Variants in KHDRBS1 observed in about 807,000 individuals in gnomAD.
KHDRBS1 encodes the protein KH domain-containing, RNA-binding, signal transduction-associated protein 1.
A neutral mutation model predicts 48.4 loss-of-function variants in KHDRBS1; 7 were observed. That is an observed-to-expected ratio of 0.14 (90% CI 0.08 to 0.27). The LOEUF is 0.27. Ranked by LOEUF, KHDRBS1 falls within the 10% of genes least tolerant of loss-of-function variation. The pLI is 1.00. For synonymous variants in KHDRBS1, 241 were observed against 235.8 expected, an observed-to-expected ratio of 1.02 and a Z score of -0.20; for missense variants, 458 against 601.2, an observed-to-expected ratio of 0.76 and a Z score of 2.49.
chr1:32,054,094 GAC>G (rs1639453029), intron 10 of KHDRBS1, among the ~76,000 whole-genome samples: 2 of 152,196 alleles, frequency 1.3e-5, no homozygotes, highest in African/African-American at 4.8e-5. Context: ...CATTTAACAT[GAC>G]ACACAGTAAG....
In KHDRBS1 at chr1:32,014,109, G is replaced by A. The variant is rs747814006; in HGVS notation, c.114G>A (p.Pro38=). 6.3e-6 allele frequency: 9 copies of A among 1,430,062 alleles called. No homozygotes were observed. The highest frequency in any genetic ancestry group is 8.2e-6 in the Non-Finnish European group (9 of 1,093,458). The allele number at this position is 1,430,062 out of a possible 1,614,324, so 88.6% of individuals were successfully genotyped here. A position where few individuals can be genotyped will look rare whatever the true frequency, so the allele number is the denominator to read the frequency against. The stretch of plus-strand genomic sequence containing the variant: ...TGCGTCAGACGCCGTCTCGGCAGCC[G>A]CCGCTGCCTCACCGGTCCCGGGGAG... The part of the protein sequence containing the change: ...PSVRQTPSRQ[P]PLPHRSRGGG... The change falls in exon 1 of 9, where the codon CCG becomes CCA. Residue 38 remains proline, a synonymous_variant. Transcript: ENST00000327300.
At chr1:32,023,835 A>G (rs948257671) in intron 1 of KHDRBS1, among the ~76,000 whole-genome samples, 11 of 152,238 alleles carry the variant, frequency 7.2e-5, no homozygotes, top group African/African-American at 2.4e-4. Context: ...TTTAGGCCAC[A>G]TGCCAGTGTC....
At chr1:32,037,109 G>T in intron 5 of KHDRBS1, 66 bp downstream of exon 5, 1 of 1,545,428 alleles carries the variant, frequency 6.5e-7, no homozygotes, top group South Asian at 1.2e-5. Flanking sequence ...CTCTTTTAGT[G>T]GTGCTCTTAT....
intron 1 of KHDRBS1, among the ~76,000 whole-genome samples, chr1:32,024,653 G>T (rs1638927892): frequency 6.6e-6 from 1 of 151,870 alleles, no homozygotes; most frequent in Admixed American, 6.6e-5. Flanking sequence ...TTCTTGTTCT[G>T]TTACTTTAAC....
chr1:32,014,831 C>T (rs1209490360), intron 1 of KHDRBS1, among the ~76,000 whole-genome samples: 1 of 152,034 alleles, frequency 6.6e-6, no homozygotes, highest in African/African-American at 2.4e-5. Context: ...GAGGAAGGGC[C>T]GAGGTGAGGT....
At position 32,037,853 on chromosome 1, in the gene KHDRBS1, A is replaced by G; in HGVS notation, c.924A>G (p.Pro308=). Residue 308 remains proline (P), a synonymous_variant, in exon 6 of 9, where the codon CCA becomes CCG. Transcript: ENST00000327300. Reference sequence around the variant, plus strand: ...TTTGTAGGGGCCGTGGTGTTGGACCACCTCGGGGGGCTTTGGTACGTGGTA... The same window carrying G: ...TTTGTAGGGGCCGTGGTGTTGGACCGCCTCGGGGGGCTTTGGTACGTGGTA... ...PPVPRGRGVG[P]PRGALVRGTP... is the part of the protein sequence containing the mutation. 6.2e-7 allele frequency: 1 copy of G among 1,614,114 alleles called. No individual in the cohort carries two copies. The highest frequency in any genetic ancestry group is 8.5e-7 in the Non-Finnish European group (1 of 1,179,968).
At position 32,043,422 on chromosome 1, in the gene KHDRBS1, G is replaced by C. The variant is rs1254444758; in HGVS notation, c.*798G>C. 1 of 152,574 alleles carries C rather than the reference G, an allele frequency of 6.6e-6. No individual in the cohort carries two copies. The highest frequency in any genetic ancestry group is 1.5e-5 in the Non-Finnish European group (1 of 68,032). The allele number at this position is 152,574 out of a possible 1,614,324, so 9.5% of individuals were successfully genotyped here. ...TTGAAGAGGTTGATGGTGGTGGGGA[G>C]GGAAGGCCTCCTGAATTGAGTTTGA... is the stretch of plus-strand genomic sequence containing the variant. On this transcript the variant is annotated 3_prime_UTR_variant, in exon 9 of 9. Coordinates refer to ENST00000327300, the MANE Select transcript of KHDRBS1 (RefSeq NM_006559.3).
intron 1 of KHDRBS1, among the ~76,000 whole-genome samples, chr1:32,027,395 G>C (rs1413493287): frequency 6.6e-6 from 1 of 152,198 alleles, no homozygotes; most frequent in Non-Finnish European, 1.5e-5. Flanking sequence ...ATCAGAAAAA[G>C]TATATTAGCA....
At chr1:32,040,191 A>G (rs1407258713) in intron 8 of KHDRBS1, among the ~76,000 whole-genome samples, 1 of 152,078 alleles carries the variant, frequency 6.6e-6, no homozygotes, top group Admixed American at 6.6e-5. Flanking sequence ...AGGCAGGCGG[A>G]TCACCTGTGG....
chr1:32,040,041 A>G (rs1639253327), intron 8 of KHDRBS1, among the ~76,000 whole-genome samples: 1 of 152,106 alleles, frequency 6.6e-6, no homozygotes, highest in African/African-American at 2.4e-5. Context: ...ATTGAAAAGA[A>G]TGTCATTGTA....
chr1:32,055,217 A>G (rs1233367910), intron 10 of KHDRBS1, among the ~76,000 whole-genome samples: 1 of 152,180 alleles, frequency 6.6e-6, no homozygotes, highest in African/African-American at 2.4e-5. Flanking sequence ...TGGGAAGCCA[A>G]GGCGGGCGGA....
At chr1:32,045,182 T>C (rs898005372), downstream of KHDRBS1, 1 of 152,602 alleles carries the variant, frequency 6.6e-6, no homozygotes, top group Non-Finnish European at 1.5e-5. Context: ...CATATTGATA[T>C]TCACAATGAA....
At position 32,043,801 on chromosome 1, in the gene KHDRBS1, C is replaced by T. The variant is rs12405056; in HGVS notation, c.*1177C>T. 1,399 of 152,644 alleles carry T rather than the reference C, an allele frequency of 9.2e-3. 32 individuals are homozygous for T. The highest frequency in any genetic ancestry group is 0.05 in the East Asian group (258 of 5,186). The allele number at this position is 152,644 out of a possible 1,614,324, so 9.5% of individuals were successfully genotyped here. On this transcript the variant is annotated 3_prime_UTR_variant, in exon 9 of 9. Coordinates refer to ENST00000327300, the MANE Select transcript of KHDRBS1 (RefSeq NM_006559.3). Reference sequence around the variant, plus strand: ...ATTAAATGCTACATGTGTAAGTCTGCCTAAATAGGTAGCTTAAACTTATGT... The same window carrying T: ...ATTAAATGCTACATGTGTAAGTCTGTCTAAATAGGTAGCTTAAACTTATGT...
chr1:32,055,066 C>T (rs1248413750), intron 10 of KHDRBS1, among the ~76,000 whole-genome samples: 2 of 152,114 alleles, frequency 1.3e-5, no homozygotes, highest in African/African-American at 4.8e-5. Flanking sequence ...CTAGGGTGGC[C>T]GCATGATCAG....
At chr1:32,057,455 CCA>C (rs1271298286) in intron 10 of KHDRBS1, among the ~76,000 whole-genome samples, 1 of 151,790 alleles carries the variant, frequency 6.6e-6, no homozygotes, top group Non-Finnish European at 1.5e-5. Flanking sequence ...TGGGTGTTAG[CCA>C]CCACACCTAG....
chr1:32,043,095 G>A lies in KHDRBS1; in HGVS notation c.*471G>A, dbSNP rs956471541. 1.3e-5 allele frequency: 2 copies of A among 152,726 alleles called. No individual in the cohort carries two copies. The highest frequency in any genetic ancestry group is 2.4e-5 in the African/African-American group (1 of 41,284). 9.5% of individuals were successfully genotyped at this position (152,726 alleles called of 1,614,324 possible). ...AACTAGGCTACATTTCAAAATTCAGGGCTGTTTAAGATTTAAAATCACAAA... is the reference window on the plus strand; with the variant it reads ...AACTAGGCTACATTTCAAAATTCAGAGCTGTTTAAGATTTAAAATCACAAA... On this transcript the variant is annotated 3_prime_UTR_variant, in exon 9 of 9. Transcript: ENST00000327300.
intron 1 of KHDRBS1, among the ~76,000 whole-genome samples, chr1:32,027,521 A>C (rs1638999266): frequency 6.6e-6 from 1 of 152,198 alleles, no homozygotes; most frequent in Non-Finnish European, 1.5e-5. Flanking sequence ...TGTAAGGTCA[A>C]ATTTGTTTTC....
In KHDRBS1 at chr1:32,036,902, G is replaced by A. The variant is rs1204045150; in HGVS notation, c.772-8G>A. On this transcript the variant is annotated splice_polypyrimidine_tract_variant and splice_region_variant and intron_variant, in intron 4 of 8. Coordinates refer to ENST00000327300, the MANE Select transcript of KHDRBS1 (RefSeq NM_006559.3). ...CCACACAATACTCCTTGTATCTTTCGTTCCCAGGATATGATGGATGATATC... is the reference window on the plus strand; with the variant it reads ...CCACACAATACTCCTTGTATCTTTCATTCCCAGGATATGATGGATGATATC... The A allele has an allele frequency of 1.4e-5, 23 of 1,610,452 alleles. No individual in the cohort carries two copies. Among genetic ancestry groups the A allele is most frequent in the Admixed American group, 1.7e-5 (1 of 59,538 alleles).
At chr1:32,032,935 G>A (rs1041410982) in intron 3 of KHDRBS1, among the ~76,000 whole-genome samples, 21 of 152,146 alleles carry the variant, frequency 1.4e-4, no homozygotes, top group East Asian at 7.7e-4. Context: ...TGATCCTCCC[G>A]CGTCAGTCTC....
Sources: gnomAD v4.1 joint callset for allele counts (sites outside exome capture counted in the v4.1 genomes callset) on GRCh38, gnomAD v4.1.1 for gene constraint, MANE v1.5 for transcripts, NCBI Gene and HGNC (gene_info 2026-07-23, HGNC 2026-07-21) for gene names.